WWOX: variants seen among roughly 807,000 people sequenced by gnomAD.
WWOX encodes WW domain-containing oxidoreductase.
Under a neutral mutation model 46.2 loss-of-function variants are expected in WWOX, and 69 were observed. The observed-to-expected ratio is 1.49, with a 90% confidence interval of 1.23 to 1.82. WWOX has a LOEUF of 1.82. Ranked by LOEUF, WWOX falls within the 40% of genes most tolerant of loss-of-function variation. WWOX has a pLI of 0.00. For missense variants in WWOX, 919 were observed against 542.6 expected, an observed-to-expected ratio of 1.69 and a Z score of -6.89; for synonymous variants, 359 against 202.6, an observed-to-expected ratio of 1.77 and a Z score of -6.56.
intron 8 of WWOX, among the ~76,000 whole-genome samples, chr16:78,781,528 A>T (rs1050902970): frequency 2.0e-5 from 3 of 152,202 alleles, no homozygotes; most frequent in African/African-American, 7.2e-5. Flanking sequence ...TTAATGGGCG[A>T]TGGGTTAATA....
intron 8 of WWOX, among the ~76,000 whole-genome samples, chr16:78,505,704 C>T (rs1030633216): frequency 5.3e-5 from 8 of 149,932 alleles, no homozygotes; most frequent in Admixed American, 1.3e-4. Context: ...TGCCTCTCTG[C>T]TCTCCCTAGC....
chr16:78,385,513 A>G (rs979433849), intron 5 of WWOX, among the ~76,000 whole-genome samples: 1 of 152,202 alleles, frequency 6.6e-6, no homozygotes, highest in Non-Finnish European at 1.5e-5. Flanking sequence ...ATGGTCCAGA[A>G]TGAGTGTGTT....
chr16:78,234,104 G>C (rs2037359632), intron 5 of WWOX, among the ~76,000 whole-genome samples: 2 of 133,828 alleles, frequency 1.5e-5, no homozygotes, highest in Admixed American at 1.8e-4. Context: ...GAACACGGTG[G>C]GGAGGAGTTC....
In WWOX at chr16:78,807,044, CAAATA is replaced by C. The variant is rs1046659727; in HGVS notation, c.1056+374297_1056+374301del. Among the ~76,000 whole-genome samples the C allele has an allele frequency of 1.4e-3, 217 of 152,178 alleles. 1 individual carries two copies. Among genetic ancestry groups the C allele is most frequent in the Non-Finnish European group, 9.4e-4 (64 of 68,036 alleles). ...CCCCACATTTGTGCTGAGGATTATG[CAAATA>C]AAATCTGTAATTTGTGCAAGCATCC... On this transcript the variant is annotated intron_variant, in intron 8 of 8. Coordinates refer to ENST00000566780, the MANE Select transcript of WWOX (RefSeq NM_016373.4).
intron 5 of WWOX, among the ~76,000 whole-genome samples, chr16:78,260,130 A>G (rs7184393): frequency 0.058 from 8,800 of 151,378 alleles, 535 homozygotes; most frequent in East Asian, 0.21. Context: ...AGGAAGGAGC[A>G]GGCAGCCATC....
intron 5 of WWOX, among the ~76,000 whole-genome samples, chr16:78,333,739 A>T (rs922657485): frequency 6.6e-6 from 1 of 152,238 alleles, no homozygotes; most frequent in Non-Finnish European, 1.5e-5. Flanking sequence ...TAAAATTTCA[A>T]ATGGTTCCTC....
At chr16:78,183,986 G>C (rs761450505) in intron 5 of WWOX, among the ~76,000 whole-genome samples, 2 of 152,126 alleles carry the variant, frequency 1.3e-5, no homozygotes, top group South Asian at 2.1e-4. Flanking sequence ...CTTTGGGCAG[G>C]CTTCAGCAAC....
intron 8 of WWOX, among the ~76,000 whole-genome samples, chr16:78,780,740 G>A (rs1226060560): frequency 6.6e-6 from 1 of 152,196 alleles, no homozygotes; most frequent in Non-Finnish European, 1.5e-5. Context: ...AAGGAGCTCA[G>A]CCTCTTTGTT....
At position 78,633,599 on chromosome 16, in the gene WWOX, A is replaced by G. The variant is rs188232347; in HGVS notation, c.1056+200847A>G. ...CGCTGGCAGGCCTCTGGCTTCAGAG[A>G]TGCCACTACAAAGGTCTCCTCCTTT... On this transcript the variant is annotated intron_variant, in intron 8 of 8. Coordinates refer to ENST00000566780, the MANE Select transcript of WWOX (RefSeq NM_016373.4). Among the ~76,000 whole-genome samples the G allele has an allele frequency of 4.6e-3, 705 of 152,230 alleles. 7 individuals carry two copies. The highest frequency in any genetic ancestry group is 0.016 in the African/African-American group (664 of 41,536).
chr16:78,336,876 T>G (rs1029718635), intron 5 of WWOX, among the ~76,000 whole-genome samples: 2 of 152,138 alleles, frequency 1.3e-5, no homozygotes, highest in African/African-American at 4.8e-5. Flanking sequence ...GCCTCCCAGT[T>G]TAAGCCATTC....
At chr16:78,176,404 C>T in intron 5 of WWOX, among the ~76,000 whole-genome samples, 1 of 152,190 alleles carries the variant, frequency 6.6e-6, no homozygotes, top group South Asian at 2.1e-4. Flanking sequence ...CTTGCCTTCC[C>T]TGGAGTTAAT....
intron 5 of WWOX, among the ~76,000 whole-genome samples, chr16:78,372,227 T>G (rs1480437688): frequency 1.3e-5 from 2 of 152,176 alleles, no homozygotes; most frequent in African/African-American, 4.8e-5. Flanking sequence ...ACATATTCAC[T>G]TTTCTTCCAA....
At chr16:78,680,772 C>T (rs2047711383) in intron 8 of WWOX, among the ~76,000 whole-genome samples, 1 of 152,154 alleles carries the variant, frequency 6.6e-6, no homozygotes, top group Non-Finnish European at 1.5e-5. Context: ...GGGTATGGAG[C>T]ACTTAGCCCA....
At chr16:78,907,841 G>A (rs967424947) in intron 8 of WWOX, among the ~76,000 whole-genome samples, 5 of 152,042 alleles carry the variant, frequency 3.3e-5, no homozygotes, top group East Asian at 3.9e-4. Flanking sequence ...CACCAGCCCC[G>A]CAAAGACGAG....
rs1038433878 is a variant in WWOX, at chr16:78,842,254, G to A, written c.1057-369354G>A. On this transcript the variant is annotated intron_variant, in intron 8 of 8. Transcript: ENST00000566780. The stretch of plus-strand genomic sequence containing the variant: ...CTCTCCTGTAATCTCAGCCCTTTTA[G>A]AAGCTGAGGCAGGAGGATTGCTTGA... Among the ~76,000 whole-genome samples the A allele has an allele frequency of 1.1e-4, 16 of 151,146 alleles. No individual in the cohort carries two copies. The Admixed American group carries it at 1.1e-3, about 10-fold the overall frequency.
At chr16:78,560,856 G>A (rs1438509621) in intron 8 of WWOX, among the ~76,000 whole-genome samples, 1 of 151,672 alleles carries the variant, frequency 6.6e-6, no homozygotes, top group African/African-American at 2.4e-5. Flanking sequence ...GCATGCTGCA[G>A]AATTTTTTTT....
At chr16:78,194,351 G>T (rs1054495414) in intron 5 of WWOX, among the ~76,000 whole-genome samples, 10 of 151,462 alleles carry the variant, frequency 6.6e-5, no homozygotes, top group African/African-American at 2.2e-4. Flanking sequence ...AATTTGGGAG[G>T]CCGAGGCGGG....
chr16:78,407,031 G>A (rs755894306), intron 6 of WWOX, among the ~76,000 whole-genome samples: 3 of 152,324 alleles, frequency 2.0e-5, no homozygotes, highest in Non-Finnish European at 4.4e-5. Flanking sequence ...GTGGATTGCT[G>A]AAGTAGATTT....
chr16:78,293,690 A>G (rs2079895480), intron 5 of WWOX, among the ~76,000 whole-genome samples: 2 of 152,054 alleles, frequency 1.3e-5, no homozygotes, highest in South Asian at 4.1e-4. Context: ...GACTTCCCTA[A>G]AAGGTGGCTG....
Sources: allele counts gnomAD v4.1 joint callset (sites outside exome capture counted in the v4.1 genomes callset), GRCh38; gene constraint gnomAD v4.1.1; transcripts MANE v1.5; gene names NCBI Gene and HGNC (gene_info 2026-07-23, HGNC 2026-07-21).